The following AP3B1 variants were observed in gnomAD, a reference collection of about 807,000 sequenced individuals.
AP3B1 encodes the protein adaptor related protein complex 3 subunit beta 1, also known as AP-3 complex subunit beta-1.
In AP3B1, 61 loss-of-function variants were observed where a neutral mutation model predicts 132.5. That is an observed-to-expected ratio of 0.46 (90% CI 0.37 to 0.57). AP3B1 has a LOEUF of 0.57. AP3B1 is among the 20% of genes least tolerant of loss of function. AP3B1 has a pLI of 0.00. For missense variants in AP3B1, 1,120 were observed against 1,289.4 expected (o/e 0.87, Z 2.01); for synonymous variants, 388 against 438.3 (o/e 0.89, Z 1.43).
intron 2 of AP3B1, among the ~76,000 whole-genome samples, chr5:78,253,184 C>A (rs1747711474): frequency 6.6e-6 from 1 of 152,214 alleles, no homozygotes; most frequent in Admixed American, 6.5e-5. Context: ...TGGGGTGCCC[C>A]CTAAAGCCAA....
At chr5:78,202,208 TC>T (rs1337991612) in intron 7 of AP3B1, among the ~76,000 whole-genome samples, 2 of 152,300 alleles carry the variant, frequency 1.3e-5, no homozygotes, top group Middle Eastern at 3.4e-3. Context: ...TTGTAAGGCC[TC>T]CCCAGCCACG....
At chr5:78,099,520 A>G (rs1394935763) in intron 21 of AP3B1, among the ~76,000 whole-genome samples, 1 of 152,220 alleles carries the variant, frequency 6.6e-6, no homozygotes, top group Non-Finnish European at 1.5e-5. Flanking sequence ...AAATTAAGCC[A>G]TTAAATTCAA....
At position 78,091,442 on chromosome 5, in the gene AP3B1, T is replaced by TAG. The variant is rs559850349; in HGVS notation, c.2471-1945_2471-1944dup. Among the ~76,000 whole-genome samples, 465 of 152,166 alleles carry TAG rather than the reference T, an allele frequency of 3.1e-3. 2 individuals are homozygous for TAG. Among genetic ancestry groups the TAG allele is most frequent in the African/African-American group, 0.011 (443 of 41,516 alleles). On this transcript the variant is annotated intron_variant, in intron 21 of 26. Transcript: ENST00000255194. ...GCTCTTGGTCTTCCCTACGCTCACT[T>TAG]AGTACGGCTGAAGCACAGCTTCAAA...
intron 2 of AP3B1, among the ~76,000 whole-genome samples, chr5:78,243,976 A>G (rs901984272): frequency 1.3e-5 from 2 of 152,210 alleles, no homozygotes; most frequent in Non-Finnish European, 2.9e-5. Context: ...TGAAAAATAG[A>G]CCAGAAGATA....
intron 8 of AP3B1, 133 bp from the exon 9 acceptor site, chr5:78,177,569 T>C (rs1744199861): frequency 5.4e-6 from 4 of 741,468 alleles, no homozygotes; most frequent in South Asian, 3.0e-5. Flanking sequence ...TTACTCTTCG[T>C]AGTGAGTTGA....
At chr5:78,193,766 A>ATTTTTTTT (rs1379149753) in intron 7 of AP3B1, among the ~76,000 whole-genome samples, 2 of 98,324 alleles carry the variant, frequency 2.0e-5, no homozygotes, top group African/African-American at 7.7e-5. Flanking sequence ...ATATATATAT[A>ATTTTTTTT]TATATTTTTT....
chr5:78,217,049 A>G (rs1437332667), intron 6 of AP3B1, among the ~76,000 whole-genome samples: 1 of 152,164 alleles, frequency 6.6e-6, no homozygotes, highest in Non-Finnish European at 1.5e-5. Flanking sequence ...ATGTGCAGTT[A>G]GCCCACAATA....
At chr5:78,165,122 T>C (rs1165389827) in intron 12 of AP3B1, among the ~76,000 whole-genome samples, 1 of 151,992 alleles carries the variant, frequency 6.6e-6, no homozygotes, top group Non-Finnish European at 1.5e-5. Context: ...GGCATAAAAA[T>C]ACAACTAAAC....
At chr5:78,189,587 C>A (rs934000155) in intron 7 of AP3B1, among the ~76,000 whole-genome samples, 2 of 151,920 alleles carry the variant, frequency 1.3e-5, no homozygotes, top group Non-Finnish European at 2.9e-5. Flanking sequence ...AAAAATTATG[C>A]GGCCAGGCAT....
chr5:78,073,335 G>T (rs1749625642), intron 22 of AP3B1, among the ~76,000 whole-genome samples: 1 of 152,126 alleles, frequency 6.6e-6, no homozygotes, highest in Admixed American at 6.5e-5. Flanking sequence ...TTTTTAAGGG[G>T]AACAGTGGTA....
rs1051203185 is a variant in AP3B1 at position 78,294,690 on chromosome 5, G to A, written c.-111C>T. 17 of 1,556,880 alleles carry A rather than the reference G, an allele frequency of 1.1e-5. No homozygotes were observed. The highest frequency in any genetic ancestry group is 3.4e-5 in the Admixed American group (2 of 59,548). ...GTTCTCGTACGGAGGAGCGCGCGCA[G>A]GCGCTTCCGGACTCGTCACGGCTCC... On this transcript the variant is annotated 5_prime_UTR_variant, in exon 1 of 27. Coordinates refer to ENST00000255194, the MANE Select transcript of AP3B1 (RefSeq NM_003664.5).
chr5:78,094,932 C>T (rs1050605106), intron 21 of AP3B1, among the ~76,000 whole-genome samples: 3 of 152,124 alleles, frequency 2.0e-5, no homozygotes, highest in Admixed American at 6.5e-5. Context: ...CTGCCCGCCT[C>T]GGCCTCCCAA....
chr5:78,038,814 T>G (rs1747917732), intron 23 of AP3B1, among the ~76,000 whole-genome samples: 1 of 152,194 alleles, frequency 6.6e-6, no homozygotes, highest in Non-Finnish European at 1.5e-5. Flanking sequence ...CCATCACTAC[T>G]GGTATTACTA....
At chr5:78,023,027 C>T (rs941067713) in intron 24 of AP3B1, among the ~76,000 whole-genome samples, 2 of 152,052 alleles carry the variant, frequency 1.3e-5, no homozygotes, top group African/African-American at 4.8e-5. Flanking sequence ...ATACAGCTTC[C>T]CCAGGGTGGG....
chr5:78,218,920 G>T (rs893687084), intron 6 of AP3B1, among the ~76,000 whole-genome samples: 3 of 152,000 alleles, frequency 2.0e-5, no homozygotes, highest in African/African-American at 7.2e-5. Context: ...TGGAAAATGG[G>T]AAAGATCAGT....
chr5:78,050,710 T>C (rs2112123475), intron 22 of AP3B1, among the ~76,000 whole-genome samples: 1 of 152,318 alleles, frequency 6.6e-6, no homozygotes, highest in South Asian at 2.1e-4. Flanking sequence ...GTGTATTATT[T>C]TATTAAAACT....
intron 2 of AP3B1, among the ~76,000 whole-genome samples, chr5:78,248,091 G>T (rs1371297108): frequency 6.6e-6 from 1 of 151,874 alleles, no homozygotes; most frequent in Non-Finnish European, 1.5e-5. Context: ...TTAACTTATC[G>T]GATTATCAGA....
rs1419476310 is a variant in AP3B1, at chr5:78,249,922, C to A, written c.205-8986G>T. ...AATGATCTGTCTTCAACTTCTGGCT[C>A]TTTCTTCTGTTATCACCATTCTGCT... On this transcript the variant is annotated intron_variant, in intron 2 of 26. Coordinates refer to ENST00000255194, the MANE Select transcript of AP3B1 (RefSeq NM_003664.5). 3.9e-5 allele frequency among the ~76,000 whole-genome samples: 6 copies of A among 152,104 alleles called. No individual in the cohort carries two copies. The South Asian group carries it at 1.2e-3, about 32-fold the overall frequency.
chr5:78,194,185 A>G (rs183755607), intron 7 of AP3B1, among the ~76,000 whole-genome samples: 7 of 152,274 alleles, frequency 4.6e-5, no homozygotes, highest in Non-Finnish European at 7.4e-5. Flanking sequence ...AAGCCTTTAA[A>G]TATTATTTTA....
Sources: allele counts gnomAD v4.1 joint callset (sites outside exome capture counted in the v4.1 genomes callset), GRCh38; gene constraint gnomAD v4.1.1; transcripts MANE v1.5; gene names NCBI Gene and HGNC (gene_info 2026-07-23, HGNC 2026-07-21).